The following MTUS2 variants were observed in gnomAD, a reference collection of about 807,000 sequenced individuals.
MTUS2 encodes microtubule associated scaffold protein 2.
In MTUS2, 40 loss-of-function variants were observed where a neutral mutation model predicts 114.1. The ratio of observed to expected loss-of-function variants is 0.35; its 90% CI spans 0.27 to 0.46. The LOEUF (loss-of-function observed/expected upper bound fraction) is 0.46. Ranked by LOEUF, MTUS2 falls within the 20% of genes least tolerant of loss-of-function variation. MTUS2 has a pLI of 1.00. For missense variants in MTUS2, 1,679 were observed against 1,705.4 expected (o/e 0.98, Z 0.27); for synonymous variants, 688 against 672.0 (o/e 1.02, Z -0.37).
At chr13:28,964,335 A>G (rs368308815) in intron 2 of MTUS2, among the ~76,000 whole-genome samples, 2 of 152,168 alleles carry the variant, frequency 1.3e-5, no homozygotes, top group East Asian at 1.9e-4. Context: ...AGTCCAAGCC[A>G]CTGTTCCTTC....
chr13:29,168,354 T>G (rs1893405783), intron 5 of MTUS2, among the ~76,000 whole-genome samples: 1 of 152,216 alleles, frequency 6.6e-6, no homozygotes, highest in Admixed American at 6.5e-5. Flanking sequence ...ATGTTCCATC[T>G]AACATTAATA....
chr13:29,333,908 T>G (rs1339426446), intron 7 of MTUS2, among the ~76,000 whole-genome samples: 1 of 152,234 alleles, frequency 6.6e-6, no homozygotes, highest in Non-Finnish European at 1.5e-5. Flanking sequence ...TGGTTAGATC[T>G]TCTTGTTGCA....
chr13:29,293,094 C>T (rs1389616984), intron 6 of MTUS2, among the ~76,000 whole-genome samples: 1 of 152,018 alleles, frequency 6.6e-6, no homozygotes, highest in East Asian at 1.9e-4. Flanking sequence ...AACCTAGAAA[C>T]ATTTTTAAAT....
chr13:28,825,482 G>A (rs888761858), intron 1 of MTUS2, among the ~76,000 whole-genome samples: 1 of 152,156 alleles, frequency 6.6e-6, no homozygotes, highest in African/African-American at 2.4e-5. Context: ...AGGGAACTGG[G>A]GTTGGTTAGG....
chr13:29,002,175 G>A (rs1449157622), intron 2 of MTUS2, among the ~76,000 whole-genome samples: 2 of 152,176 alleles, frequency 1.3e-5, no homozygotes, highest in Admixed American at 1.3e-4. Context: ...GATATTGAGT[G>A]GGCTGTATTA....
At chr13:29,030,797 T>C (rs1385772210) in intron 3 of MTUS2, among the ~76,000 whole-genome samples, 1 of 152,230 alleles carries the variant, frequency 6.6e-6, no homozygotes, top group Non-Finnish European at 1.5e-5. Context: ...TCTTCCATCC[T>C]TATCGACAGA....
intron 11 of MTUS2, among the ~76,000 whole-genome samples, chr13:29,491,245 TG>T (rs1315102102): frequency 7.1e-6 from 1 of 139,918 alleles, no homozygotes; most frequent in South Asian, 2.3e-4. Flanking sequence ...GCTGTAAGGA[TG>T]GGGGAGGGCA....
chr13:29,074,577 T>C (rs1889098963), intron 4 of MTUS2, among the ~76,000 whole-genome samples: 1 of 152,146 alleles, frequency 6.6e-6, no homozygotes, highest in South Asian at 2.1e-4. Flanking sequence ...TTCTCTTCCT[T>C]CTCCTACTTC....
intron 8 of MTUS2, among the ~76,000 whole-genome samples, chr13:29,404,884 T>C (rs1204637054): frequency 6.6e-6 from 1 of 152,218 alleles, no homozygotes; most frequent in East Asian, 1.9e-4. Context: ...AACCTGGGTT[T>C]CCTTCTGCTG....
rs757723848 is a variant in MTUS2 at position 29,281,866 on chromosome 13, G to A, written c.2806+1G>A. Reference sequence around the variant, plus strand: ...CCAAAATCCACTTCCACACCCGCTGGTAAGACTTTGTGCCTTGGAGAGGCT... The same window carrying A: ...CCAAAATCCACTTCCACACCCGCTGATAAGACTTTGTGCCTTGGAGAGGCT... On this transcript the variant is annotated splice_donor_variant, in intron 6 of 15. Coordinates refer to ENST00000612955, the MANE Select transcript of MTUS2 (RefSeq NM_001033602.4). LOFTEE classifies it high-confidence loss of function. 1.3e-6 allele frequency: 2 copies of A among 1,585,850 alleles called. No individual in the cohort carries two copies. Among genetic ancestry groups the A allele is most frequent in the Admixed American group, 3.5e-5 (2 of 56,740 alleles).
In MTUS2 at chr13:29,464,759, T is replaced by C. The variant is rs1457898256; in HGVS notation, c.3185-15391T>C. 6.2e-5 allele frequency among the ~76,000 whole-genome samples: 9 copies of C among 145,822 alleles called. No individual in the cohort carries two copies. In the East Asian group the frequency reaches 1.5e-3, roughly 25 times the overall value. On this transcript the variant is annotated intron_variant, in intron 9 of 15. Transcript: ENST00000612955. ...GTATTGCAGCTTAAGAAGCACTGTC[T>C]GCTTACAGCAGTGATTCTCAAAGTG...
chr13:29,078,532 C>T (rs1889298370), intron 4 of MTUS2, among the ~76,000 whole-genome samples: 1 of 152,180 alleles, frequency 6.6e-6, no homozygotes, highest in Non-Finnish European at 1.5e-5. Flanking sequence ...TTAAAGGATA[C>T]AATTTAGTGG....
At chr13:29,238,899 CAA>C (rs1896632704) in intron 5 of MTUS2, among the ~76,000 whole-genome samples, 1 of 152,102 alleles carries the variant, frequency 6.6e-6, no homozygotes, top group African/African-American at 2.4e-5. Context: ...TGAAATCCAT[CAA>C]AGTCAAACTC....
intron 2 of MTUS2, among the ~76,000 whole-genome samples, chr13:28,963,793 T>C (rs1296146791): frequency 2.0e-5 from 3 of 152,188 alleles, no homozygotes; most frequent in Admixed American, 2.0e-4. Flanking sequence ...AACTTTCATT[T>C]GGCAGCTGCA....
rs147715838 is a variant in MTUS2 at position 29,326,380 on chromosome 13, G to A, written c.2905+1669G>A. 4.6e-3 allele frequency among the ~76,000 whole-genome samples: 707 copies of A among 152,228 alleles called. 6 individuals are homozygous for A. The highest frequency in any genetic ancestry group is 0.016 in the African/African-American group (661 of 41,524). ...AAGGAAACAAGCCACCATAAATAAG[G>A]TCCTTATATTCTAGAGAAAGAGTAA... On this transcript the variant is annotated intron_variant, in intron 7 of 15. Coordinates refer to ENST00000612955, the MANE Select transcript of MTUS2 (RefSeq NM_001033602.4).
chr13:29,314,942 T>G (rs1193636337), intron 6 of MTUS2, among the ~76,000 whole-genome samples: 1 of 152,106 alleles, frequency 6.6e-6, no homozygotes, highest in Non-Finnish European at 1.5e-5. Context: ...AACAGATGAA[T>G]GAATAAAGAA....
intron 4 of MTUS2, among the ~76,000 whole-genome samples, chr13:29,050,909 T>G (rs1056264333): frequency 2.0e-5 from 3 of 151,968 alleles, no homozygotes; most frequent in African/African-American, 7.3e-5. Flanking sequence ...AAAGCCAGTG[T>G]GGGTGGAGTA....
intron 2 of MTUS2, among the ~76,000 whole-genome samples, chr13:29,004,756 T>C (rs74045512): frequency 0.017 from 2,521 of 152,220 alleles, 71 homozygotes; most frequent in African/African-American, 0.057. Flanking sequence ...CTGCCATGGG[T>C]GAGGCCCTTT....
chr13:28,861,224 C>T (rs542004951), intron 2 of MTUS2, among the ~76,000 whole-genome samples: 27 of 152,248 alleles, frequency 1.8e-4, no homozygotes, highest in African/African-American at 6.3e-4. Flanking sequence ...TTAAAATGTT[C>T]GTGTGAGAGT....
Sources: gnomAD v4.1 joint callset for allele counts (sites outside exome capture counted in the v4.1 genomes callset) on GRCh38, gnomAD v4.1.1 for gene constraint, MANE v1.5 for transcripts, NCBI Gene and HGNC (gene_info 2026-07-23, HGNC 2026-07-21) for gene names.